ERC1: variants seen among roughly 807,000 people sequenced by gnomAD.
The protein encoded by ERC1 is RAB6 interacting protein 2.
A neutral mutation model predicts 132.0 loss-of-function variants in ERC1; 56 were observed. The observed-to-expected ratio is 0.42, with a 90% CI of 0.34 to 0.53. ERC1 has a LOEUF of 0.53. Ranked by LOEUF, ERC1 falls within the 20% of genes least tolerant of loss-of-function variation. The pLI is 0.03. For synonymous variants in ERC1, 478 were observed against 476.1 expected (o/e 1.00, Z -0.05); for missense variants, 1,202 against 1,349.9 (o/e 0.89, Z 1.72).
Position 1,374,122 on chromosome 12 carries a change from A to T in ERC1, c.2925+2145A>T, listed in dbSNP as rs546887702. On this transcript the variant is annotated intron_variant, in intron 16 of 18. Transcript: ENST00000360905. Reference sequence around the variant, plus strand: ...AAGGGAGAGGCCTTTTGGAAAGAGGATATGGCATCAATGTTGTTTTAATTT... The same window carrying T: ...AAGGGAGAGGCCTTTTGGAAAGAGGTTATGGCATCAATGTTGTTTTAATTT... Among the ~76,000 whole-genome samples, 3 of 152,330 alleles carry T rather than the reference A, an allele frequency of 2.0e-5. 1 individual carries two copies. In the South Asian group the frequency reaches 6.2e-4, roughly 32 times the overall value.
At chr12:1,311,692 G>A (rs568684197) in intron 15 of ERC1, among the ~76,000 whole-genome samples, 54 of 152,268 alleles carry the variant, frequency 3.5e-4, no homozygotes, top group African/African-American at 1.3e-3. Context: ...TACCGATCCA[G>A]TTGGCATAAA....
At chr12:1,356,780 C>T (rs1208785860) in intron 15 of ERC1, among the ~76,000 whole-genome samples, 1 of 152,290 alleles carries the variant, frequency 6.6e-6, no homozygotes, top group African/African-American at 2.4e-5. Flanking sequence ...ATTTATCTAC[C>T]TGATGCAGGC....
At chr12:1,446,016 C>T (rs549480092) in intron 18 of ERC1, among the ~76,000 whole-genome samples, 2 of 152,266 alleles carry the variant, frequency 1.3e-5, no homozygotes, top group South Asian at 4.2e-4. Flanking sequence ...ACCTCATGAC[C>T]TAATCACCTC....
chr12:1,054,008 C>G (rs1367288044), intron 2 of ERC1, among the ~76,000 whole-genome samples: 2 of 151,364 alleles, frequency 1.3e-5, no homozygotes, highest in African/African-American at 4.9e-5. Flanking sequence ...TAATTAGGAC[C>G]AGTATATCAA....
intron 2 of ERC1, among the ~76,000 whole-genome samples, chr12:1,063,015 C>T (rs533581247): frequency 4.2e-4 from 64 of 152,194 alleles, no homozygotes; most frequent in African/African-American, 1.3e-3. Flanking sequence ...TATAGCTACT[C>T]CTTCATGCGT....
At chr12:1,017,759 A>G (rs1484640273) in intron 1 of ERC1, among the ~76,000 whole-genome samples, 4 of 152,126 alleles carry the variant, frequency 2.6e-5, no homozygotes, top group Admixed American at 2.6e-4. Flanking sequence ...TCAGCCTCCC[A>G]AAGTGCTAGG....
intron 8 of ERC1, among the ~76,000 whole-genome samples, chr12:1,158,156 C>A (rs1190581986): frequency 6.6e-6 from 1 of 152,084 alleles, no homozygotes; most frequent in African/African-American, 2.4e-5. Flanking sequence ...TGATTTAACA[C>A]GTTTAAAAAT....
intron 18 of ERC1, among the ~76,000 whole-genome samples, chr12:1,489,660 TA>T (rs887023557): frequency 2.0e-5 from 3 of 152,228 alleles, no homozygotes; most frequent in Admixed American, 6.5e-5. Context: ...GTGGGTAGGC[TA>T]ATGTACCGGA....
At chr12:1,169,396 C>T (rs929694940) in intron 8 of ERC1, among the ~76,000 whole-genome samples, 1 of 152,216 alleles carries the variant, frequency 6.6e-6, no homozygotes. Flanking sequence ...GTTTGAATTC[C>T]TTCCCCCTAC....
At chr12:1,411,645 G>A (rs1001934897) in intron 17 of ERC1, among the ~76,000 whole-genome samples, 4 of 152,158 alleles carry the variant, frequency 2.6e-5, no homozygotes, top group Admixed American at 6.5e-5. Flanking sequence ...CTGGACAAGG[G>A]TAGGTATTTG....
chr12:1,481,119 TA>T lies in ERC1; in HGVS notation c.3214-8970del, dbSNP rs796643854. On this transcript the variant is annotated intron_variant, in intron 18 of 18. Transcript: ENST00000360905. ...ACAATACTCGGAACAGCATGCACTGTAAAACTTATGAATTGTTTATTTCTGG... is the reference window on the plus strand; with the variant it reads ...ACAATACTCGGAACAGCATGCACTGTAAACTTATGAATTGTTTATTTCTGG... 1.6e-4 allele frequency among the ~76,000 whole-genome samples: 25 copies of T among 152,364 alleles called. 1 individual carries two copies. The highest frequency in any genetic ancestry group is 6.0e-4 in the African/African-American group (25 of 41,588).
At chr12:1,376,160 G>A (rs2087889085) in intron 16 of ERC1, among the ~76,000 whole-genome samples, 1 of 152,186 alleles carries the variant, frequency 6.6e-6, no homozygotes, top group Non-Finnish European at 1.5e-5. Flanking sequence ...TCTCAGGGCA[G>A]TTAGGAAAAA....
At chr12:1,310,294 T>A (rs1014185107) in intron 15 of ERC1, among the ~76,000 whole-genome samples, 30 of 152,128 alleles carry the variant, frequency 2.0e-4, no homozygotes, top group Non-Finnish European at 1.0e-4. Context: ...TGGGACGATC[T>A]CGGCTCACTG....
At chr12:1,333,217 C>T (rs1456497872) in intron 15 of ERC1, among the ~76,000 whole-genome samples, 6 of 151,930 alleles carry the variant, frequency 3.9e-5, no homozygotes, top group Non-Finnish European at 8.8e-5. Flanking sequence ...GTTTTCTGTT[C>T]CTGTGTTGTT....
chr12:1,034,174 TATC>T (rs1478967296), intron 2 of ERC1, among the ~76,000 whole-genome samples: 1 of 152,176 alleles, frequency 6.6e-6, no homozygotes, highest in African/African-American at 2.4e-5. Flanking sequence ...TTTAGATAAT[TATC>T]ATAGTGTATC....
At chr12:1,403,379 T>A (rs2154390654) in intron 16 of ERC1, among the ~76,000 whole-genome samples, 1 of 152,322 alleles carries the variant, frequency 6.6e-6, no homozygotes, top group East Asian at 1.9e-4. Context: ...TGCTTTTTGG[T>A]CTTATCTTGA....
chr12:1,367,564 A>G (rs1421311241), intron 15 of ERC1, among the ~76,000 whole-genome samples: 1 of 152,166 alleles, frequency 6.6e-6, no homozygotes, highest in African/African-American at 2.4e-5. Context: ...CTAGCAATAG[A>G]AGTCTAATGT....
intron 17 of ERC1, among the ~76,000 whole-genome samples, chr12:1,420,475 A>C (rs916309390): frequency 2.0e-5 from 3 of 146,728 alleles, no homozygotes. Flanking sequence ...ATTTATTTTG[A>C]GACGGAGTCT....
intron 10 of ERC1, 113 bp downstream of exon 10, chr12:1,182,178 T>C (rs1954554948): frequency 2.0e-6 from 2 of 1,009,480 alleles, no homozygotes; most frequent in Non-Finnish European, 2.8e-6. Context: ...TTTCTTAATA[T>C]TCTTTTAGCA....
Sources: gnomAD v4.1 joint callset for allele counts (sites outside exome capture counted in the v4.1 genomes callset) on GRCh38, gnomAD v4.1.1 for gene constraint, MANE v1.5 for transcripts, NCBI Gene and HGNC (gene_info 2026-07-23, HGNC 2026-07-21) for gene names.